Variants in ARGLU1 observed in about 807,000 individuals in gnomAD.
ARGLU1 encodes arginine and glutamate-rich protein 1.
In ARGLU1, 9 loss-of-function variants were observed where a neutral mutation model predicts 37.6. That is an observed-to-expected ratio of 0.24 (90% CI 0.14 to 0.42). The LOEUF (loss-of-function observed/expected upper bound fraction) is 0.42, where lower values mean the gene tolerates loss of function less well. Among genes scored for constraint, ARGLU1 ranks in the 10% least tolerant of loss-of-function variants. The pLI, the probability that ARGLU1 is intolerant of heterozygous loss-of-function variation, is 1.00. For synonymous variants in ARGLU1, 166 were observed against 138.5 expected, an observed-to-expected ratio of 1.20 and a Z score of -1.39; for missense variants, 211 against 359.2, an observed-to-expected ratio of 0.59 and a Z score of 3.34.
chr13:106,557,774 TAATA>T lies in ARGLU1; in HGVS notation c.574-647_574-644del. On this transcript the variant is annotated intron_variant, in intron 2 of 3. Coordinates refer to ENST00000400198, the MANE Select transcript of ARGLU1 (RefSeq NM_018011.4). This position sits in a 1 kb window ranked among gnomAD's most constrained non-coding sequence, Gnocchi z 5.0. ...ATTCATCATTCCTAAGGCAAACAAT[TAATA>T]AGAAAAATACATTTACTGTTAGTGA... 2.3e-6 allele frequency: 3 copies of T among 1,309,576 alleles called. No individual in the cohort carries two copies. The highest frequency in any genetic ancestry group is 2.9e-6 in the Non-Finnish European group (3 of 1,024,866). The allele number at this position is 1,309,576 out of a possible 1,614,324, so 81.1% of individuals were successfully genotyped here.
intron 3 of ARGLU1, among the ~76,000 whole-genome samples, chr13:106,553,547 T>G (rs760223599): frequency 2.0e-5 from 3 of 152,178 alleles, no homozygotes; most frequent in African/African-American, 4.8e-5. Flanking sequence ...TAAATTCTCA[T>G]GATCATCAGG....
At chr13:106,559,140 A>G (rs556947833) in intron 2 of ARGLU1, 2 of 1,331,998 alleles carry the variant, frequency 1.5e-6, no homozygotes, top group African/African-American at 3.0e-5. Flanking sequence ...CTCCCAAAAA[A>G]GAATGTAAGT....
chr13:106,549,372 ATAATTT>A (rs1880475914), intron 3 of ARGLU1, among the ~76,000 whole-genome samples: 1 of 152,214 alleles, frequency 6.6e-6, no homozygotes, highest in African/African-American at 2.4e-5. Flanking sequence ...TCTGCCATTT[ATAATTT>A]TAATTCCTTT....
At chr13:106,560,340 C>T (rs1231082276) in intron 1 of ARGLU1, among the ~76,000 whole-genome samples, 1 of 152,052 alleles carries the variant, frequency 6.6e-6, no homozygotes. Flanking sequence ...AAGCATGATA[C>T]TACAGTTTTA....
intron 1 of ARGLU1, among the ~76,000 whole-genome samples, chr13:106,565,882 C>T (rs976702388): frequency 9.2e-5 from 14 of 152,208 alleles, no homozygotes; most frequent in African/African-American, 3.1e-4. Flanking sequence ...GTCTGCTATA[C>T]ATGCGAAACC....
At chr13:106,559,344 A>G (rs1656675808) in intron 2 of ARGLU1, 88 bp downstream of exon 2, 1 of 1,576,054 alleles carries the variant, frequency 6.3e-7, no homozygotes, top group South Asian at 1.1e-5. Context: ...TCTGTATTCC[A>G]TCTCTTTCTG....
Position 106,543,387 on chromosome 13 carries a change from T to A in ARGLU1, c.*609A>T, listed in dbSNP as rs1391129427. On this transcript the variant is annotated 3_prime_UTR_variant, in exon 4 of 4. Transcript: ENST00000400198. ...TTATTTACACAATGGGGAATGCTGG[T>A]TTGATTTTGTCAATGAAATAAAAAC... 6.6e-6 allele frequency: 1 copy of A among 152,520 alleles called. No individual in the cohort carries two copies. The highest frequency in any genetic ancestry group is 1.5e-5 in the Non-Finnish European group (1 of 67,970). 9.4% of individuals were successfully genotyped at this position (152,520 alleles called of 1,614,324 possible).
intron 3 of ARGLU1, among the ~76,000 whole-genome samples, chr13:106,549,502 C>T (rs1215940397): frequency 6.6e-6 from 1 of 152,164 alleles, no homozygotes. Context: ...TAGTAAACTA[C>T]GTCAGTAAAT....
intron 1 of ARGLU1, among the ~76,000 whole-genome samples, chr13:106,563,292 G>C (rs1296641676): frequency 1.3e-5 from 2 of 152,082 alleles, no homozygotes. Flanking sequence ...CCTATGCAGT[G>C]GGTATGTATC....
intron 3 of ARGLU1, among the ~76,000 whole-genome samples, chr13:106,554,983 A>C (rs1376697191): frequency 6.6e-6 from 1 of 152,044 alleles, no homozygotes; most frequent in East Asian, 1.9e-4. Context: ...TCAAATTCTT[A>C]CTCAACTTTC....
chr13:106,564,540 C>T (rs1437530854), intron 1 of ARGLU1, among the ~76,000 whole-genome samples: 1 of 152,178 alleles, frequency 6.6e-6, no homozygotes, highest in Non-Finnish European at 1.5e-5. Flanking sequence ...TGTAAGGGCA[C>T]TTGACACTAT....
intron 3 of ARGLU1, among the ~76,000 whole-genome samples, chr13:106,547,607 GA>G (rs543899649): frequency 3.3e-5 from 5 of 151,998 alleles, no homozygotes; most frequent in Admixed American, 1.3e-4. Context: ...ACTGTTAAAT[GA>G]AAAAAAGAAA....
Position 106,567,531 on chromosome 13 carries a change from T to C in ARGLU1, c.347+42A>G. ...GGCCCCACGCCCTCGCCCCGCGCCC[T>C]GCTCTCCGCACGCCCCGGTCCCTCC... On this transcript the variant is annotated intron_variant, in intron 1 of 3. Transcript: ENST00000400198. The surrounding 1 kb of genome is among the most constrained non-coding windows in gnomAD (Gnocchi z 4.3). 7.1e-7 allele frequency: 1 copy of C among 1,412,656 alleles called. No individual in the cohort carries two copies. The allele number at this position is 1,412,656 out of a possible 1,614,324, so 87.5% of individuals were successfully genotyped here. A position where few individuals can be genotyped will look rare whatever the true frequency, so the allele number is the denominator to read the frequency against.
At chr13:106,555,050 CA>C (rs1397254814) in intron 3 of ARGLU1, among the ~76,000 whole-genome samples, 6 of 151,970 alleles carry the variant, frequency 3.9e-5, no homozygotes, top group African/African-American at 1.5e-4. Context: ...TTATCACAAG[CA>C]TGCCATCAGA....
chr13:106,564,201 A>G (rs948304389), intron 1 of ARGLU1, among the ~76,000 whole-genome samples: 6 of 152,214 alleles, frequency 3.9e-5, no homozygotes, highest in Admixed American at 6.5e-5. Flanking sequence ...CATTAAGATG[A>G]CAACTCATAA....
rs753904163 is a variant in ARGLU1, at chr13:106,559,522, C to G, written c.483G>C (p.Val161=). 9.3e-6 allele frequency: 15 copies of G among 1,614,052 alleles called. No individual in the cohort carries two copies. In the Admixed American group the frequency reaches 2.5e-4, roughly 27 times the overall value. Residue 161 remains valine, a synonymous_variant, in exon 2 of 4, where the codon GTG becomes GTC. Coordinates refer to ENST00000400198, the MANE Select transcript of ARGLU1 (RefSeq NM_018011.4). Reference sequence around the variant, plus strand: ...TTTCCATGATGCGTTTGGCTTCCTCCACCCTTCGGAGAACTTCTCGTTCAA... The same window carrying G: ...TTTCCATGATGCGTTTGGCTTCCTCGACCCTTCGGAGAACTTCTCGTTCAA... ...DEIEREVLRR[V]EEAKRIMEKQ... is the part of the protein sequence containing the mutation.
Position 106,555,300 on chromosome 13 carries a change from G to A in ARGLU1, c.657+1748C>T, listed in dbSNP as rs549189833. Among the ~76,000 whole-genome samples the A allele has an allele frequency of 1.6e-4, 25 of 152,248 alleles. No individual in the cohort carries two copies. In the South Asian group the frequency reaches 5.0e-3, roughly 30 times the overall value. On this transcript the variant is annotated intron_variant, in intron 3 of 3. Coordinates refer to ENST00000400198, the MANE Select transcript of ARGLU1 (RefSeq NM_018011.4). ...TGAACCCACCCAGGAGGTGGAGGCT[G>A]CAATGACCCGAGACTGCGCCATTGC...
intron 3 of ARGLU1, among the ~76,000 whole-genome samples, chr13:106,551,957 T>C (rs1880542172): frequency 6.6e-6 from 1 of 152,182 alleles, no homozygotes; most frequent in Non-Finnish European, 1.5e-5. Context: ...CTTAATCACA[T>C]CTGCAAAAGC....
Position 106,557,171 on chromosome 13 carries a change from T to G in ARGLU1, c.574-40A>C. The G allele has an allele frequency of 6.6e-7, 1 of 1,518,320 alleles. No individual in the cohort carries two copies. The highest frequency in any genetic ancestry group is 9.1e-7 in the Non-Finnish European group (1 of 1,096,982). The allele number at this position is 1,518,320 out of a possible 1,614,324, so 94.1% of individuals were successfully genotyped here. On this transcript the variant is annotated intron_variant, in intron 2 of 3. Transcript: ENST00000400198. This position sits in a 1 kb window ranked among gnomAD's most constrained non-coding sequence, Gnocchi z 5.0. ...ATGTTAAGATATTAGAAAAACAAAA[T>G]GTTTATTTTTATTGATAAATATTTA...
Sources: allele counts gnomAD v4.1 joint callset (sites outside exome capture counted in the v4.1 genomes callset), GRCh38; gene constraint gnomAD v4.1.1; non-coding constraint Gnocchi (gnomAD v3.1); transcripts MANE v1.5; gene names NCBI Gene and HGNC (gene_info 2026-07-23, HGNC 2026-07-21).